Variants in PTPRD observed in about 807,000 individuals in gnomAD.
The protein encoded by PTPRD is protein tyrosine phosphatase receptor type D.
A neutral mutation model predicts 214.5 loss-of-function variants in PTPRD; 34 were observed. The ratio of observed to expected loss-of-function variants is 0.16; its 90% CI spans 0.12 to 0.21. The LOEUF (loss-of-function observed/expected upper bound fraction) is 0.21. Among genes scored for constraint, PTPRD ranks in the 10% least tolerant of loss-of-function variants. The pLI, the probability that PTPRD is intolerant of heterozygous loss-of-function variation, is 1.00. For synonymous variants in PTPRD, 1,128 were observed against 845.7 expected, an observed-to-expected ratio of 1.33 and a Z score of -5.79; for missense variants, 2,545 against 2,398.7, an observed-to-expected ratio of 1.06 and a Z score of -1.27.
rs139263637 is a variant in PTPRD, at chr9:8,525,010, T to C, written c.594A>G (p.Glu198=). 4 of 1,613,594 alleles carry C rather than the reference T, an allele frequency of 2.5e-6. No homozygotes were observed. The highest frequency in any genetic ancestry group is 2.7e-5 in the African/African-American group (2 of 74,968). Residue 198 remains glutamate, a synonymous_variant, in exon 18 of 46, where the codon GAA becomes GAG. Coordinates refer to ENST00000381196, the MANE Select transcript of PTPRD (RefSeq NM_002839.4). ...IRGALQIEQS[E]ESDQGKYECV... ...ACTCATATTTTCCTTGGTCAGACTC[T>C]TCACTCTGCTCAATCTGAAGGGCTC...
At chr9:8,659,705 G>A (rs1426017474) in intron 12 of PTPRD, among the ~76,000 whole-genome samples, 1 of 152,192 alleles carries the variant, frequency 6.6e-6, no homozygotes, top group East Asian at 1.9e-4. Context: ...CAAATATGGG[G>A]CTGTTCACAG....
At chr9:10,291,627 G>C (rs757058992) in intron 3 of PTPRD, among the ~76,000 whole-genome samples, 4 of 144,746 alleles carry the variant, frequency 2.8e-5, no homozygotes, top group African/African-American at 1.1e-4. Flanking sequence ...AGAAACGCAG[G>C]TCTAGATTCT....
At chr9:9,942,319 A>G (rs2091677476) in intron 4 of PTPRD, among the ~76,000 whole-genome samples, 1 of 152,204 alleles carries the variant, frequency 6.6e-6, no homozygotes, top group African/African-American at 2.4e-5. Flanking sequence ...ATCAGTAAAT[A>G]AAAAGCATCT....
rs192454682 is a variant in PTPRD, at chr9:9,652,488, T to C, written c.-286-77707A>G. On this transcript the variant is annotated intron_variant, in intron 7 of 45. Coordinates refer to ENST00000381196, the MANE Select transcript of PTPRD (RefSeq NM_002839.4). ...CCAACATGGTTGCAGTTGACTACTA[T>C]AATTTCAATAGGCTCCCTATAATAC... Among the ~76,000 whole-genome samples, 437 of 152,300 alleles carry C rather than the reference T, an allele frequency of 2.9e-3. 9 individuals are homozygous for C. Among genetic ancestry groups the C allele is most frequent in the Admixed American group, 0.022 (342 of 15,304 alleles).
At chr9:9,987,966 G>T (rs191260273) in intron 4 of PTPRD, among the ~76,000 whole-genome samples, 3 of 152,022 alleles carry the variant, frequency 2.0e-5, no homozygotes, top group Admixed American at 6.6e-5. Flanking sequence ...CATATTTGCC[G>T]TAACAGCAGT....
chr9:9,863,723 A>G (rs568456092), intron 5 of PTPRD, among the ~76,000 whole-genome samples: 1 of 152,288 alleles, frequency 6.6e-6, no homozygotes, highest in African/African-American at 2.4e-5. Context: ...GAAAAGAGAC[A>G]TAAGACAGAA....
chr9:8,357,859 G>A (rs1346538748), intron 39 of PTPRD, among the ~76,000 whole-genome samples: 1 of 152,124 alleles, frequency 6.6e-6, no homozygotes, highest in East Asian at 1.9e-4. Context: ...TACAAACCCT[G>A]ACAAAATGAA....
intron 5 of PTPRD, among the ~76,000 whole-genome samples, chr9:9,846,504 C>A (rs1024216213): frequency 6.6e-6 from 1 of 152,080 alleles, no homozygotes; most frequent in East Asian, 1.9e-4. Flanking sequence ...AAAATAAATT[C>A]TTTTCAGGTA....
At chr9:9,105,228 A>T (rs939828888) in intron 10 of PTPRD, among the ~76,000 whole-genome samples, 7 of 152,142 alleles carry the variant, frequency 4.6e-5, no homozygotes, top group Non-Finnish European at 1.0e-4. Flanking sequence ...AGCTCTTGAG[A>T]GGTGGCCTTA....
intron 2 of PTPRD, among the ~76,000 whole-genome samples, chr9:10,415,830 A>G (rs1463990830): frequency 2.0e-5 from 3 of 151,868 alleles, no homozygotes; most frequent in Non-Finnish European, 4.4e-5. Context: ...TGAGAATATC[A>G]TAAGGACATT....
chr9:9,390,644 G>C (rs2065487475), intron 9 of PTPRD, among the ~76,000 whole-genome samples: 1 of 152,174 alleles, frequency 6.6e-6, no homozygotes, highest in Non-Finnish European at 1.5e-5. Context: ...TGGACAAGTA[G>C]ATCTCATTAC....
Position 8,492,956 on chromosome 9 carries a change from C to A in PTPRD, c.2373G>T (p.Gln791His), listed in dbSNP as rs2136310853. 6.2e-7 allele frequency: 1 copy of A among 1,613,506 alleles called. No homozygotes were observed. Among genetic ancestry groups the A allele is most frequent in the Non-Finnish European group, 8.5e-7 (1 of 1,179,550 alleles). Residue 791 changes from glutamine (Q) to histidine (H), a missense_variant, in exon 27 of 46, where the codon CAG becomes CAT. Physicochemically the swap from Gln to His is conservative, Grantham distance 24. Coordinates refer to ENST00000381196, the MANE Select transcript of PTPRD (RefSeq NM_002839.4). ...TEHDMIISGL[Q>H]PETSYSLTVT... ...CGGTGAGGGAGTAGGAAGTTTCAGG[C>A]TGGAGCCCAGAAATGATCATGTCCT...
intron 12 of PTPRD, among the ~76,000 whole-genome samples, chr9:8,662,654 A>C (rs1295806344): frequency 6.6e-6 from 1 of 152,042 alleles, no homozygotes; most frequent in Non-Finnish European, 1.5e-5. Flanking sequence ...TCACCAATTC[A>C]CCATAGGCCC....
At chr9:8,662,315 C>G (rs1485544255) in intron 12 of PTPRD, among the ~76,000 whole-genome samples, 1 of 151,960 alleles carries the variant, frequency 6.6e-6, no homozygotes, top group Non-Finnish European at 1.5e-5. Context: ...AACAAACAAA[C>G]AAACAAACAA....
At chr9:8,443,159 A>T (rs1451727690) in intron 34 of PTPRD, among the ~76,000 whole-genome samples, 2 of 152,240 alleles carry the variant, frequency 1.3e-5, no homozygotes, top group Non-Finnish European at 2.9e-5. Flanking sequence ...CATTTTAAAA[A>T]ATTTTTGTAA....
intron 11 of PTPRD, among the ~76,000 whole-genome samples, chr9:8,806,830 C>T (rs1277787889): frequency 6.6e-6 from 1 of 152,152 alleles, no homozygotes; most frequent in Non-Finnish European, 1.5e-5. Context: ...AAACACACTC[C>T]CTCCACTTGG....
intron 2 of PTPRD, among the ~76,000 whole-genome samples, chr9:10,402,720 G>A (rs1002904728): frequency 4.6e-5 from 7 of 151,492 alleles, no homozygotes; most frequent in Admixed American, 1.3e-4. Context: ...GCCTAATTTT[G>A]TCTATCTCTG....
intron 3 of PTPRD, among the ~76,000 whole-genome samples, chr9:10,291,955 G>A (rs12553386): frequency 0.03 from 4,495 of 152,006 alleles, 296 homozygotes; most frequent in Admixed American, 0.16. Context: ...GTAAAGATCT[G>A]GTTAATGGGT....
Position 8,581,937 on chromosome 9 carries a change from A to C in PTPRD, c.352+51380T>G, listed in dbSNP as rs867320783. Among the ~76,000 whole-genome samples, 971 of 144,642 alleles carry C rather than the reference A, an allele frequency of 6.7e-3. 14 individuals are homozygous for C. The highest frequency in any genetic ancestry group is 0.025 in the African/African-American group (924 of 37,318). The allele number at this position is 144,642 out of a possible 152,430, so 94.9% of individuals were successfully genotyped here. A position where few individuals can be genotyped will look rare whatever the true frequency, so the allele number is the denominator to read the frequency against. ...CCAAAAAAAAAAAAAAAAAAAAAAAAAAAAAGAGGGAAAAAAAGGAGGACA... is the reference window on the plus strand; with the variant it reads ...CCAAAAAAAAAAAAAAAAAAAAAAACAAAAAGAGGGAAAAAAAGGAGGACA... On this transcript the variant is annotated intron_variant, in intron 14 of 45. Transcript: ENST00000381196.
Sources: gnomAD v4.1 joint callset for allele counts (sites outside exome capture counted in the v4.1 genomes callset) on GRCh38, gnomAD v4.1.1 for gene constraint, MANE v1.5 for transcripts, NCBI Gene and HGNC (gene_info 2026-07-23, HGNC 2026-07-21) for gene names.